Variants in CELF4 observed in about 807,000 individuals in gnomAD.
The protein encoded by CELF4 is CUG-BP- and ETR-3-like factor 4.
CELF4 carries 18 observed loss-of-function variants against 59.9 expected under a neutral mutation model. The observed-to-expected ratio is 0.30, with a 90% CI of 0.21 to 0.45. The LOEUF (loss-of-function observed/expected upper bound fraction) is 0.45, where lower values mean the gene tolerates loss of function less well. Among genes scored for constraint, CELF4 ranks in the 20% least tolerant of loss-of-function variants. The pLI is 1.00. For synonymous variants in CELF4, 261 were observed against 267.1 expected, an observed-to-expected ratio of 0.98 and a Z score of 0.22; for missense variants, 456 against 689.0, an observed-to-expected ratio of 0.66 and a Z score of 3.79.
chr18:37,370,063 C>G (rs1406689050), intron 2 of CELF4, among the ~76,000 whole-genome samples: 1 of 152,244 alleles, frequency 6.6e-6, no homozygotes, highest in Non-Finnish European at 1.5e-5. Context: ...TAGTATTCCT[C>G]TGAAGCAGAG....
intron 2 of CELF4, among the ~76,000 whole-genome samples, chr18:37,433,677 G>C (rs144623789): frequency 9.4e-4 from 143 of 152,336 alleles, no homozygotes; most frequent in South Asian, 3.5e-3. Flanking sequence ...GGCAAGTGAG[G>C]AGCTCCCTGT....
intron 1 of CELF4, among the ~76,000 whole-genome samples, chr18:37,526,798 A>C (rs1287650642): frequency 6.6e-6 from 1 of 152,178 alleles, no homozygotes; most frequent in Non-Finnish European, 1.5e-5. Context: ...TTTGGTGTCA[A>C]CTGGGCCTAG....
At chr18:37,525,892 A>G (rs2099963347) in intron 1 of CELF4, among the ~76,000 whole-genome samples, 1 of 152,204 alleles carries the variant, frequency 6.6e-6, no homozygotes, top group Admixed American at 6.5e-5. Flanking sequence ...GACCTGTAGG[A>G]GGACTCTGTG....
chr18:37,389,650 C>T (rs185321304), intron 2 of CELF4, among the ~76,000 whole-genome samples: 1 of 152,262 alleles, frequency 6.6e-6, no homozygotes, highest in Non-Finnish European at 1.5e-5. Context: ...CTCCCCCGTG[C>T]ACCCACACAC....
At position 37,296,465 on chromosome 18, in the gene CELF4, G is replaced by A. The variant is rs190007539; in HGVS notation, c.449-21222C>T. Among the ~76,000 whole-genome samples, 63 of 152,288 alleles carry A rather than the reference G, an allele frequency of 4.1e-4. No homozygotes were observed. In the East Asian group the frequency reaches 0.01, roughly 25 times the overall value. On this transcript the variant is annotated intron_variant, in intron 3 of 12. Coordinates refer to ENST00000420428, the MANE Select transcript of CELF4 (RefSeq NM_020180.4). Reference sequence around the variant, plus strand: ...CCTGGCTTGGCCTACCAAAGCACTGGGATTACAGGTGTGAGCCACTGCGCC... The same window carrying A: ...CCTGGCTTGGCCTACCAAAGCACTGAGATTACAGGTGTGAGCCACTGCGCC...
intron 1 of CELF4, among the ~76,000 whole-genome samples, chr18:37,552,919 C>T (rs985481844): frequency 1.3e-5 from 2 of 152,202 alleles, no homozygotes; most frequent in Non-Finnish European, 2.9e-5. Flanking sequence ...GCTGTTGTGA[C>T]GTGGTCTGCC....
chr18:37,361,653 G>A lies in CELF4; in HGVS notation c.370-39772C>T, dbSNP rs561170975. On this transcript the variant is annotated intron_variant, in intron 2 of 12. Coordinates refer to ENST00000420428, the MANE Select transcript of CELF4 (RefSeq NM_020180.4). ...CACCCAAGTGTGGAGGTGGGGAAGCGGACTAGCCCTGCAGCTCCCTTCAGC... is the reference window on the plus strand; with the variant it reads ...CACCCAAGTGTGGAGGTGGGGAAGCAGACTAGCCCTGCAGCTCCCTTCAGC... Among the ~76,000 whole-genome samples, 23 of 152,278 alleles carry A rather than the reference G, an allele frequency of 1.5e-4. No homozygotes were observed. The South Asian group carries it at 4.6e-3, about 30-fold the overall frequency.
chr18:37,471,787 A>G (rs988185660), intron 2 of CELF4, among the ~76,000 whole-genome samples: 1 of 152,214 alleles, frequency 6.6e-6, no homozygotes, highest in Non-Finnish European at 1.5e-5. Context: ...GCGCGGGGCT[A>G]TGCTCCTGGT....
chr18:37,429,147 G>A (rs1569569376), intron 2 of CELF4, among the ~76,000 whole-genome samples: 1 of 152,200 alleles, frequency 6.6e-6, no homozygotes, highest in African/African-American at 2.4e-5. Flanking sequence ...CAGGGGCTGG[G>A]GCCATCGCTG....
At chr18:37,372,888 A>T (rs2098918956) in intron 2 of CELF4, among the ~76,000 whole-genome samples, 1 of 151,932 alleles carries the variant, frequency 6.6e-6, no homozygotes, top group Non-Finnish European at 1.5e-5. Context: ...CTGCCTTAGC[A>T]TGTGAATTAG....
At chr18:37,388,064 G>C (rs1276595869) in intron 2 of CELF4, among the ~76,000 whole-genome samples, 2 of 152,062 alleles carry the variant, frequency 1.3e-5, no homozygotes, top group African/African-American at 4.8e-5. Flanking sequence ...GTTGGGGGAG[G>C]GGGGAGGGTA....
chr18:37,423,056 G>A lies in CELF4; in HGVS notation c.369+62469C>T, dbSNP rs533135608. On this transcript the variant is annotated intron_variant, in intron 2 of 12. Transcript: ENST00000420428. The stretch of plus-strand genomic sequence containing the variant: ...GCAGGTTCTACACATAGACACATGC[G>A]CGCGCGCGCACACACACACACACAC... Among the ~76,000 whole-genome samples, 210 of 101,846 alleles carry A rather than the reference G, an allele frequency of 2.1e-3. 1 individual carries two copies. Among genetic ancestry groups the A allele is most frequent in the Middle Eastern group, 9.8e-3 (2 of 204 alleles). 66.8% of individuals were successfully genotyped at this position (101,846 alleles called of 152,430 possible). A position where few individuals can be genotyped will look rare whatever the true frequency, so the allele number is the denominator to read the frequency against.
At chr18:37,456,829 G>A (rs2099779708) in intron 2 of CELF4, among the ~76,000 whole-genome samples, 1 of 152,178 alleles carries the variant, frequency 6.6e-6, no homozygotes, top group Non-Finnish European at 1.5e-5. Flanking sequence ...TGCCAGTCTA[G>A]TGATCATCTT....
rs527913544 is a variant in CELF4 at position 37,482,339 on chromosome 18, A to G, written c.369+3186T>C. ...AGGAAGTCAGGAAAGAGTGAGATCA[A>G]GAGTATGAGGGCGAGAGAGGCAGAG... On this transcript the variant is annotated intron_variant, in intron 2 of 12. Coordinates refer to ENST00000420428, the MANE Select transcript of CELF4 (RefSeq NM_020180.4). Among the ~76,000 whole-genome samples the G allele has an allele frequency of 1.3e-4, 20 of 152,292 alleles. No individual in the cohort carries two copies. The East Asian group carries it at 3.7e-3, about 28-fold the overall frequency.
intron 2 of CELF4, among the ~76,000 whole-genome samples, chr18:37,410,381 C>T (rs2099430349): frequency 6.6e-6 from 1 of 152,228 alleles, no homozygotes; most frequent in Non-Finnish European, 1.5e-5. Flanking sequence ...AGGCCTGGGC[C>T]TCCACTCCTG....
At chr18:37,490,154 A>G (rs1229745698) in intron 1 of CELF4, among the ~76,000 whole-genome samples, 1 of 152,252 alleles carries the variant, frequency 6.6e-6, no homozygotes, top group Non-Finnish European at 1.5e-5. Context: ...GTGAAATAAT[A>G]GACGCCATGT....
chr18:37,493,148 C>T (rs546882060), intron 1 of CELF4, among the ~76,000 whole-genome samples: 78 of 152,318 alleles, frequency 5.1e-4, no homozygotes, highest in African/African-American at 1.9e-3. Flanking sequence ...CTGACTTCCT[C>T]TTGCTTCTCC....
chr18:37,274,612 G>C (rs2092677286), intron 5 of CELF4, 158 bp from the exon 6 acceptor site: 3 of 1,523,418 alleles, frequency 2.0e-6, no homozygotes, highest in South Asian at 1.2e-5. Context: ...ACCCCACCGC[G>C]GGCATTTTCC....
chr18:37,457,645 C>G (rs1245038676), intron 2 of CELF4, among the ~76,000 whole-genome samples: 1 of 152,106 alleles, frequency 6.6e-6, no homozygotes, highest in East Asian at 1.9e-4. Flanking sequence ...TGGGAGAAGA[C>G]CTTACATCCC....
Sources: allele counts gnomAD v4.1 joint callset (sites outside exome capture counted in the v4.1 genomes callset), GRCh38; gene constraint gnomAD v4.1.1; transcripts MANE v1.5; gene names NCBI Gene and HGNC (gene_info 2026-07-23, HGNC 2026-07-21).